Variants in KCNB2 observed in about 807,000 individuals in gnomAD.
KCNB2 encodes the protein potassium voltage-gated channel subfamily B member 2.
A neutral mutation model predicts 61.5 loss-of-function variants in KCNB2; 15 were observed. That is an observed-to-expected ratio of 0.24 (90% confidence interval 0.16 to 0.38). KCNB2 has a LOEUF of 0.38. Among genes scored for constraint, KCNB2 ranks in the 10% least tolerant of loss-of-function variants. The probability of loss-of-function intolerance (pLI) is 1.00; values close to 1 mark genes in which losing one functional copy is unlikely to be tolerated. For missense variants in KCNB2, 828 were observed against 1,125.2 expected, an observed-to-expected ratio of 0.74 and a Z score of 3.78; for synonymous variants, 457 against 446.0, an observed-to-expected ratio of 1.02 and a Z score of -0.31.
In KCNB2 at chr8:72,708,415, C is replaced by T. The variant is rs73688759; in HGVS notation, c.579+140102C>T. Among the ~76,000 whole-genome samples the T allele has an allele frequency of 2.0e-3, 309 of 152,276 alleles. 1 individual carries two copies. Among genetic ancestry groups the T allele is most frequent in the African/African-American group, 7.1e-3 (294 of 41,566 alleles). ...CAATTTTGTTCTAATTTGCTGAGAT[C>T]ATCCAAAATGACTTATCCTAGTACA... On this transcript the variant is annotated intron_variant, in intron 2 of 2. Transcript: ENST00000523207.
At chr8:72,715,304 A>C (rs947286990) in intron 2 of KCNB2, among the ~76,000 whole-genome samples, 7 of 152,232 alleles carry the variant, frequency 4.6e-5, no homozygotes, top group Non-Finnish European at 1.0e-4. Context: ...CTCTGCACCA[A>C]GCAGACCTAA....
chr8:72,652,623 GCT>G (rs796114432), intron 2 of KCNB2, among the ~76,000 whole-genome samples: 6 of 152,112 alleles, frequency 3.9e-5, no homozygotes, highest in African/African-American at 1.4e-4. Flanking sequence ...TTCCCTCCAA[GCT>G]CTCAGGCTGA....
chr8:72,546,615 G>A (rs1373466033), intron 1 of KCNB2, among the ~76,000 whole-genome samples: 1 of 152,024 alleles, frequency 6.6e-6, no homozygotes, highest in Non-Finnish European at 1.5e-5. Context: ...GATGAAGGTG[G>A]CTACAATTAA....
At chr8:72,614,213 T>C (rs1805583144) in intron 2 of KCNB2, among the ~76,000 whole-genome samples, 1 of 152,212 alleles carries the variant, frequency 6.6e-6, no homozygotes, top group African/African-American at 2.4e-5. Context: ...TTTTATTAGA[T>C]ATTGATTGGA....
At chr8:72,767,224 G>A (rs764061459) in intron 2 of KCNB2, among the ~76,000 whole-genome samples, 5 of 152,058 alleles carry the variant, frequency 3.3e-5, no homozygotes, top group South Asian at 2.1e-4. Context: ...ACACTAATAC[G>A]TGCTAGTTCC....
chr8:72,899,310 T>C (rs1028375810), intron 2 of KCNB2, among the ~76,000 whole-genome samples: 1 of 152,120 alleles, frequency 6.6e-6, no homozygotes, highest in African/African-American at 2.4e-5. Context: ...AAAGATGGAA[T>C]CATTCCCCTT....
intron 2 of KCNB2, among the ~76,000 whole-genome samples, chr8:72,736,013 A>C (rs1377313359): frequency 3.3e-5 from 5 of 152,180 alleles, no homozygotes; most frequent in African/African-American, 1.2e-4. Context: ...TTGCAGGCCC[A>C]CAAGATTTTA....
At chr8:72,561,789 A>C (rs78426282) in intron 1 of KCNB2, among the ~76,000 whole-genome samples, 2 of 33,580 alleles carry the variant, frequency 6.0e-5, no homozygotes, top group African/African-American at 1.4e-4. Context: ...ATATATATAT[A>C]CATATATATA....
chr8:72,568,316 A>G lies in KCNB2; in HGVS notation c.579+3A>G, dbSNP rs182542912. 1 of 1,604,728 alleles carries G rather than the reference A, an allele frequency of 6.2e-7. No homozygotes were observed. The highest frequency in any genetic ancestry group is 2.2e-5 in the East Asian group (1 of 44,824). On this transcript the variant is annotated splice_donor_region_variant and intron_variant, in intron 2 of 2. Coordinates refer to ENST00000523207, the MANE Select transcript of KCNB2 (RefSeq NM_004770.3). ...CTAACTCATCAGTGGCTGCAAAGGT[A>G]TGAAACCCATAGTATTGCTTGCCTG...
chr8:72,674,587 G>A, intron 2 of KCNB2, among the ~76,000 whole-genome samples: 1 of 152,206 alleles, frequency 6.6e-6, no homozygotes, highest in East Asian at 1.9e-4. Flanking sequence ...GATAAAGATT[G>A]TAATTCTCTT....
chr8:72,784,398 A>G (rs1808813799), intron 2 of KCNB2, among the ~76,000 whole-genome samples: 1 of 152,106 alleles, frequency 6.6e-6, no homozygotes, highest in Admixed American at 6.5e-5. Flanking sequence ...ACAATGTTGT[A>G]TCATTATTTG....
chr8:72,789,041 A>G (rs1808892199), intron 2 of KCNB2, among the ~76,000 whole-genome samples: 1 of 152,194 alleles, frequency 6.6e-6, no homozygotes, highest in Non-Finnish European at 1.5e-5. Flanking sequence ...TTTCTAGAAC[A>G]TGACCTTAAA....
intron 2 of KCNB2, among the ~76,000 whole-genome samples, chr8:72,810,319 A>AAAT (rs2129000397): frequency 6.6e-6 from 1 of 152,324 alleles, no homozygotes; most frequent in Admixed American, 6.5e-5. Flanking sequence ...AAGGCACTAT[A>AAAT]AATAATAAGA....
intron 2 of KCNB2, among the ~76,000 whole-genome samples, chr8:72,899,103 A>T (rs923242754): frequency 2.0e-5 from 3 of 152,200 alleles, no homozygotes; most frequent in Non-Finnish European, 4.4e-5. Flanking sequence ...CAAATCAATA[A>T]ACGTGATTCA....
At chr8:72,656,638 G>A (rs34404211) in intron 2 of KCNB2, among the ~76,000 whole-genome samples, 33,439 of 152,038 alleles carry the variant, frequency 0.22, 4,192 homozygotes, top group East Asian at 0.53. Context: ...AGAATCTTAG[G>A]TTTTCACAAT....
At chr8:72,902,392 G>T (rs766495975) in intron 2 of KCNB2, among the ~76,000 whole-genome samples, 1 of 152,126 alleles carries the variant, frequency 6.6e-6, no homozygotes, top group Non-Finnish European at 1.5e-5. Flanking sequence ...TAGAGTTTGA[G>T]ATTTCAGATC....
At chr8:72,648,798 A>T (rs560491694) in intron 2 of KCNB2, among the ~76,000 whole-genome samples, 2 of 152,274 alleles carry the variant, frequency 1.3e-5, no homozygotes, top group South Asian at 4.1e-4. Flanking sequence ...TTCAGAAATG[A>T]CATCTTGTCT....
chr8:72,647,369 A>T (rs938140667), intron 2 of KCNB2, among the ~76,000 whole-genome samples: 11 of 142,898 alleles, frequency 7.7e-5, no homozygotes, highest in South Asian at 2.4e-4. Context: ...TCTTTTATTT[A>T]AAAAAAAATA....
At chr8:72,598,000 A>G (rs1282307002) in intron 2 of KCNB2, among the ~76,000 whole-genome samples, 1 of 152,226 alleles carries the variant, frequency 6.6e-6, no homozygotes, top group Non-Finnish European at 1.5e-5. Flanking sequence ...AGGAATATAA[A>G]TCATTCTACC....
Sources: allele counts gnomAD v4.1 joint callset (sites outside exome capture counted in the v4.1 genomes callset), GRCh38; gene constraint gnomAD v4.1.1; transcripts MANE v1.5; gene names NCBI Gene and HGNC (gene_info 2026-07-23, HGNC 2026-07-21).